The following LGALSL variants were observed in gnomAD, a reference collection of about 807,000 sequenced individuals.
LGALSL encodes galectin like.
In LGALSL, 13 loss-of-function variants were observed where a neutral mutation model predicts 19.5. The ratio of observed to expected loss-of-function variants is 0.67; its 90% confidence interval spans 0.43 to 1.06. The LOEUF is 1.06. LGALSL is among the 50% of genes least tolerant of loss of function. The pLI, the probability that LGALSL is intolerant of heterozygous loss-of-function variation, is 0.00. For missense variants in LGALSL, 189 were observed against 219.3 expected (o/e 0.86, Z 0.87); for synonymous variants, 86 against 78.3 (o/e 1.10, Z -0.52).
chr2:64,457,085 A>G (rs1368449824), intron 4 of LGALSL, among the ~76,000 whole-genome samples: 1 of 152,148 alleles, frequency 6.6e-6, no homozygotes, highest in Non-Finnish European at 1.5e-5. Context: ...TTTTCATCCA[A>G]TCAAGCAGCA....
Position 64,460,014 on chromosome 2 carries a change from T to G in LGALSL, c.*1586T>G, listed in dbSNP as rs1054389882. The G allele has an allele frequency of 1.0e-4, 12 of 118,056 alleles. No homozygotes were observed. Among genetic ancestry groups the G allele is most frequent in the African/African-American group, 4.6e-4 (11 of 24,132 alleles). 7.3% of individuals were successfully genotyped at this position (118,056 alleles called of 1,614,324 possible). The stretch of plus-strand genomic sequence containing the variant: ...CCTTGTCCTGCTTTCCTTTTTTGAG[T>G]TTTTTTTTTTTTTTTACACAACATG... On this transcript the variant is annotated 3_prime_UTR_variant, in exon 5 of 5. Coordinates refer to ENST00000238875, the MANE Select transcript of LGALSL (RefSeq NM_014181.3).
Position 64,458,534 on chromosome 2 carries a change from A to G in LGALSL, c.*106A>G. 8.5e-7 allele frequency: 1 copy of G among 1,177,290 alleles called. No homozygotes were observed. The highest frequency in any genetic ancestry group is 1.2e-6 in the Non-Finnish European group (1 of 845,666). The allele number at this position is 1,177,290 out of a possible 1,614,324, so 72.9% of individuals were successfully genotyped here. The stretch of plus-strand genomic sequence containing the variant: ...CTGGAGACTTAAAAAGAAAACAAAA[A>G]CAAATGGCAAGTTTCACTTAAGGGT... On this transcript the variant is annotated 3_prime_UTR_variant, in exon 5 of 5. Coordinates refer to ENST00000238875, the MANE Select transcript of LGALSL (RefSeq NM_014181.3).
chr2:64,455,431 CTG>C lies in LGALSL; in HGVS notation c.108+20_108+21del, dbSNP rs1211148374. The C allele has an allele frequency of 1.9e-6, 3 of 1,600,448 alleles. No homozygotes were observed. The South Asian group carries it at 3.3e-5, about 18-fold the overall frequency. ...CCCACGACTGGTAAATGATTTTGCT[CTG>C]TGTCTCTGCCTGTACCTTCCTCCTT... On this transcript the variant is annotated intron_variant, in intron 2 of 4. Coordinates refer to ENST00000238875, the MANE Select transcript of LGALSL (RefSeq NM_014181.3).
At chr2:64,456,534 C>T (rs1250559302) in intron 4 of LGALSL, 69 bp downstream of exon 4, 2 of 1,276,060 alleles carry the variant, frequency 1.6e-6, no homozygotes, top group Non-Finnish European at 2.1e-6. Context: ...CTAGTGTGTG[C>T]CAAGAACACT....
In LGALSL at chr2:64,455,292, G is replaced by GC. The variant is rs907153510; in HGVS notation, c.37-46dup. 3.6e-5 allele frequency: 44 copies of GC among 1,221,676 alleles called. No homozygotes were observed. In the African/African-American group the frequency reaches 5.4e-4, roughly 15 times the overall value. 75.7% of individuals were successfully genotyped at this position (1,221,676 alleles called of 1,614,324 possible). ...CACATCTGTGTGGGTTCTTCCTCCAGCCCCCCAAAAAAGAGCCCATGGAAA... is the reference window on the plus strand; with the variant it reads ...CACATCTGTGTGGGTTCTTCCTCCAGCCCCCCCAAAAAAGAGCCCATGGAAA... On this transcript the variant is annotated intron_variant, in intron 1 of 4. Transcript: ENST00000238875.
chr2:64,454,612 C>A lies in LGALSL; in HGVS notation c.36+31C>A. 1 of 1,379,536 alleles carries A rather than the reference C, an allele frequency of 7.2e-7. No individual in the cohort carries two copies. 85.5% of individuals were successfully genotyped at this position (1,379,536 alleles called of 1,614,324 possible). On this transcript the variant is annotated intron_variant, in intron 1 of 4. Transcript: ENST00000238875. This position sits in a 1 kb window ranked among gnomAD's most constrained non-coding sequence, Gnocchi z 5.1. ...TGTGGCAGGGCGCGCGCGAGGCGCC[C>A]CTCCCCGCCGTCCCGCACTCCGCCG...
rs964548866 is a variant in LGALSL, at chr2:64,459,612, T to C, written c.*1184T>C. The C allele has an allele frequency of 2.0e-5, 3 of 152,172 alleles. No homozygotes were observed. The highest frequency in any genetic ancestry group is 7.2e-5 in the African/African-American group (3 of 41,440). 9.4% of individuals were successfully genotyped at this position (152,172 alleles called of 1,614,324 possible). ...TACTGTGTTGGCTCTGAGGAGATAG[T>C]AGGATTAGATAGGATCCAGATTAGG... On this transcript the variant is annotated 3_prime_UTR_variant, in exon 5 of 5. Coordinates refer to ENST00000238875, the MANE Select transcript of LGALSL (RefSeq NM_014181.3).
At position 64,459,438 on chromosome 2, in the gene LGALSL, TAA is replaced by T. The variant is rs1686783985; in HGVS notation, c.*1012_*1013del. ...ATGAAAATGACTGTGGAATGCAGTG[TAA>T]AGCAGAAGCAAACGGCCCTGAATAA... On this transcript the variant is annotated 3_prime_UTR_variant, in exon 5 of 5. Transcript: ENST00000238875. The T allele has an allele frequency of 6.6e-6, 1 of 152,246 alleles. No individual in the cohort carries two copies. Among genetic ancestry groups the T allele is most frequent in the African/African-American group, 2.4e-5 (1 of 41,466 alleles). The allele number at this position is 152,246 out of a possible 1,614,324, so 9.4% of individuals were successfully genotyped here. A position where few individuals can be genotyped will look rare whatever the true frequency, so the allele number is the denominator to read the frequency against.
In LGALSL at chr2:64,460,531, C is replaced by T. The variant is rs10496117; in HGVS notation, c.*2103C>T. 2 of 152,034 alleles carry T rather than the reference C, an allele frequency of 1.3e-5. No homozygotes were observed. Among genetic ancestry groups the T allele is most frequent in the Non-Finnish European group, 2.9e-5 (2 of 68,010 alleles). 9.4% of individuals were successfully genotyped at this position (152,034 alleles called of 1,614,324 possible). A position where few individuals can be genotyped will look rare whatever the true frequency, so the allele number is the denominator to read the frequency against. On this transcript the variant is annotated 3_prime_UTR_variant, in exon 5 of 5. Coordinates refer to ENST00000238875, the MANE Select transcript of LGALSL (RefSeq NM_014181.3). ...CAGGGCGTGTACTGATTGGAATTGACACGCTTATTCTGTCTACCTATCAGC... is the reference window on the plus strand; with the variant it reads ...CAGGGCGTGTACTGATTGGAATTGATACGCTTATTCTGTCTACCTATCAGC...
In LGALSL at chr2:64,458,419, G is replaced by C; in HGVS notation, c.510G>C (p.Lys170Asn). ...TAAATGGAGACCTCCAGATCACCAA[G>C]CTTGGCTGATTTAAACCACCTCTAT... ...IKINGDLQIT[K>N]LG Residue 170 changes from lysine to asparagine, a missense_variant, in exon 5 of 5, where the codon AAG (lysine) becomes AAC (asparagine). Physicochemically the swap from Lys to Asn is moderately conservative, Grantham distance 94. This residue lies in a region of LGALSL where 106 missense variants were observed against 119.3 expected (regional missense o/e 0.89). Transcript: ENST00000238875. 6.2e-7 allele frequency: 1 copy of C among 1,612,894 alleles called. No homozygotes were observed. The highest frequency in any genetic ancestry group is 8.5e-7 in the Non-Finnish European group (1 of 1,179,518).
intron 4 of LGALSL, among the ~76,000 whole-genome samples, chr2:64,457,500 C>T (rs1034606526): frequency 1.2e-4 from 19 of 152,074 alleles, no homozygotes; most frequent in Non-Finnish European, 2.6e-4. Flanking sequence ...ATTGTCATTA[C>T]ACCTTAACAT....
At chr2:64,455,752 A>C in intron 3 of LGALSL, 75 bp downstream of exon 3, 1 of 1,062,822 alleles carries the variant, frequency 9.4e-7, no homozygotes. Context: ...GTGGTTTAGC[A>C]CTCCTCTTCC....
Position 64,454,390 on chromosome 2 carries a change from C to G in LGALSL, c.-156C>G, listed in dbSNP as rs1219671964. On this transcript the variant is annotated 5_prime_UTR_variant, in exon 1 of 5. Transcript: ENST00000238875. The surrounding 1 kb of genome is among the most constrained non-coding windows in gnomAD (Gnocchi z 5.1). Reference sequence around the variant, plus strand: ...TCCCAGGCTCTGCCTGCCAGGTCGGCGCCGGGCCCCGGGCGCGCGCGCGCG... The same window carrying G: ...TCCCAGGCTCTGCCTGCCAGGTCGGGGCCGGGCCCCGGGCGCGCGCGCGCG... 7.8e-6 allele frequency: 3 copies of G among 384,558 alleles called. No homozygotes were observed. The highest frequency in any genetic ancestry group is 2.1e-5 in the African/African-American group (1 of 47,348). 23.8% of individuals were successfully genotyped at this position (384,558 alleles called of 1,614,324 possible).
At position 64,454,371 on chromosome 2, in the gene LGALSL, G is replaced by A. The variant is rs1686691468; in HGVS notation, c.-175G>A. 2 of 388,884 alleles carry A rather than the reference G, an allele frequency of 5.1e-6. No homozygotes were observed. The highest frequency in any genetic ancestry group is 9.0e-6 in the Non-Finnish European group (2 of 221,572). The allele number at this position is 388,884 out of a possible 1,614,324, so 24.1% of individuals were successfully genotyped here. A position where few individuals can be genotyped will look rare whatever the true frequency, so the allele number is the denominator to read the frequency against. On this transcript the variant is annotated 5_prime_UTR_variant, in exon 1 of 5. Coordinates refer to ENST00000238875, the MANE Select transcript of LGALSL (RefSeq NM_014181.3). The surrounding 1 kb of genome is among the most constrained non-coding windows in gnomAD (Gnocchi z 5.1). ...CCTCCCTCCCCTCCCCTCCTCCCAGGCTCTGCCTGCCAGGTCGGCGCCGGG... is the reference window on the plus strand; with the variant it reads ...CCTCCCTCCCCTCCCCTCCTCCCAGACTCTGCCTGCCAGGTCGGCGCCGGG...
chr2:64,458,247 T>C, intron 4 of LGALSL, 38 bp from the exon 5 acceptor site: 1 of 1,597,534 alleles, frequency 6.3e-7, no homozygotes, highest in Non-Finnish European at 8.6e-7. Context: ...CCCAGTAGCG[T>C]TCATTGAAAT....
chr2:64,457,480 C>T (rs907026600), intron 4 of LGALSL, among the ~76,000 whole-genome samples: 1 of 151,934 alleles, frequency 6.6e-6, no homozygotes, highest in African/African-American at 2.4e-5. Flanking sequence ...GGGGTCAGAC[C>T]TAGTGATGAA....
Position 64,456,369 on chromosome 2 carries a change from T to C in LGALSL, c.279T>C (p.Asp93=), listed in dbSNP as rs751148766. 4 of 1,612,246 alleles carry C rather than the reference T, an allele frequency of 2.5e-6. No homozygotes were observed. The highest frequency in any genetic ancestry group is 3.4e-6 in the Non-Finnish European group (4 of 1,179,284). The change falls in exon 4 of 5, where the codon GAT becomes GAC. Residue 93 remains aspartate, a synonymous_variant. Transcript: ENST00000238875. ...VAIELKAVFT[D]RQLLRNSCIS... ...TCGAACTCAAAGCTGTGTTCACAGA[T>C]CGGCAGCTACTCAGAAATTCTTGTA...
rs184055896 is a variant in LGALSL at position 64,461,100 on chromosome 2, C to G, written c.*2672C>G. 2 of 152,196 alleles carry G rather than the reference C, an allele frequency of 1.3e-5. No individual in the cohort carries two copies. Among genetic ancestry groups the G allele is most frequent in the East Asian group, 3.9e-4 (2 of 5,178 alleles). The allele number at this position is 152,196 out of a possible 1,614,324, so 9.4% of individuals were successfully genotyped here. ...CTTGCCGACCTTAGTTCAAAGCCCCCTGAGAGATCACTTTTAGAATTGAGG... is the reference window on the plus strand; with the variant it reads ...CTTGCCGACCTTAGTTCAAAGCCCCGTGAGAGATCACTTTTAGAATTGAGG... On this transcript the variant is annotated 3_prime_UTR_variant, in exon 5 of 5. Coordinates refer to ENST00000238875, the MANE Select transcript of LGALSL (RefSeq NM_014181.3).
Position 64,459,876 on chromosome 2 carries a change from C to T in LGALSL, c.*1448C>T, listed in dbSNP as rs537660227. 25 of 152,294 alleles carry T rather than the reference C, an allele frequency of 1.6e-4. No individual in the cohort carries two copies. The highest frequency in any genetic ancestry group is 6.0e-4 in the African/African-American group (25 of 41,542). The allele number at this position is 152,294 out of a possible 1,614,324, so 9.4% of individuals were successfully genotyped here. A position where few individuals can be genotyped will look rare whatever the true frequency, so the allele number is the denominator to read the frequency against. ...TACATTGGCCCTGGAGGGAGGGACC[C>T]TTGGCATTGCTTTGATCAGGTAGTG... On this transcript the variant is annotated 3_prime_UTR_variant, in exon 5 of 5. Coordinates refer to ENST00000238875, the MANE Select transcript of LGALSL (RefSeq NM_014181.3).
Sources: gnomAD v4.1 joint callset for allele counts (sites outside exome capture counted in the v4.1 genomes callset) on GRCh38, gnomAD v4.1.1 for gene constraint, gnomAD v4.1.1 regional missense constraint, Gnocchi (gnomAD v3.1) non-coding constraint, MANE v1.5 for transcripts, NCBI Gene and HGNC (gene_info 2026-07-23, HGNC 2026-07-21) for gene names.